The following BTBD1 variants were observed in gnomAD, a reference collection of about 807,000 sequenced individuals.
BTBD1 encodes BTB domain containing 1, also known as BTB/POZ domain-containing protein 1.
In BTBD1, 34 loss-of-function variants were observed where a neutral mutation model predicts 48.0. The observed-to-expected ratio is 0.71, with a 90% CI of 0.54 to 0.94. BTBD1 has a LOEUF of 0.94. Among genes scored for constraint, BTBD1 ranks in the 40% least tolerant of loss-of-function variants. The pLI, the probability that BTBD1 is intolerant of heterozygous loss-of-function variation, is 0.00. For synonymous variants in BTBD1, 261 were observed against 242.1 expected (o/e 1.08, Z -0.72); for missense variants, 543 against 625.6 (o/e 0.87, Z 1.41).
At chr15:83,045,814 C>A (rs1231515872) in intron 3 of BTBD1, among the ~76,000 whole-genome samples, 1 of 152,034 alleles carries the variant, frequency 6.6e-6, no homozygotes, top group Non-Finnish European at 1.5e-5. Context: ...AGACTTTGAA[C>A]CTACATGTCT....
intron 3 of BTBD1, among the ~76,000 whole-genome samples, chr15:83,043,618 G>T (rs778138007): frequency 2.2e-4 from 33 of 152,252 alleles, no homozygotes; most frequent in Admixed American, 5.9e-4. Flanking sequence ...GGTGAAAATT[G>T]ATCATATTTG....
At chr15:83,049,351 G>A (rs952405376) in intron 3 of BTBD1, among the ~76,000 whole-genome samples, 1 of 152,154 alleles carries the variant, frequency 6.6e-6, no homozygotes, top group Non-Finnish European at 1.5e-5. Context: ...CCTACAGATC[G>A]TGGCCCCCGC....
intron 4 of BTBD1, among the ~76,000 whole-genome samples, chr15:83,041,056 G>A (rs1218417363): frequency 2.0e-5 from 3 of 151,642 alleles, no homozygotes; most frequent in African/African-American, 7.3e-5. Flanking sequence ...GGAGGCTGAG[G>A]TGGGAGGATT....
At chr15:83,053,307 A>G (rs17507300) in intron 2 of BTBD1, among the ~76,000 whole-genome samples, 30,054 of 152,132 alleles carry the variant, frequency 0.2, 3,184 homozygotes, top group Middle Eastern at 0.33. Context: ...AGCAGGAACA[A>G]GAAGTTTCAC....
chr15:83,018,868 A>G lies in BTBD1; in HGVS notation c.1144-15T>C. On this transcript the variant is annotated splice_polypyrimidine_tract_variant and intron_variant, in intron 6 of 7. Transcript: ENST00000261721. ...TATTCAATGATCTGTAATTTTTAAG[A>G]GACAAGTTACATTTAAGTTAAACCA... is the stretch of plus-strand genomic sequence containing the variant. 1 of 1,606,846 alleles carries G rather than the reference A, an allele frequency of 6.2e-7. No individual in the cohort carries two copies. The highest frequency in any genetic ancestry group is 2.2e-5 in the East Asian group (1 of 44,838).
In BTBD1 at chr15:83,035,087, A is replaced by G. The variant is rs181337803; in HGVS notation, c.863-4759T>C. Among the ~76,000 whole-genome samples the G allele has an allele frequency of 9.2e-4, 140 of 152,266 alleles. 1 individual carries two copies. Among genetic ancestry groups the G allele is most frequent in the African/African-American group, 3.3e-3 (137 of 41,556 alleles). On this transcript the variant is annotated intron_variant, in intron 4 of 7. Transcript: ENST00000261721. ...GATGGGTGGATCACCTGAGGTCAGGAGTTTGAGACCAGTCTGGCCAACATG... is the reference window on the plus strand; with the variant it reads ...GATGGGTGGATCACCTGAGGTCAGGGGTTTGAGACCAGTCTGGCCAACATG...
chr15:83,048,619 A>C (rs2032923641), intron 3 of BTBD1, among the ~76,000 whole-genome samples: 1 of 151,236 alleles, frequency 6.6e-6, no homozygotes, highest in African/African-American at 2.5e-5. Flanking sequence ...CCTCTCCACT[A>C]TCCAAACACA....
intron 1 of BTBD1, among the ~76,000 whole-genome samples, chr15:83,063,381 C>T (rs1039527185): frequency 6.6e-6 from 1 of 152,172 alleles, no homozygotes; most frequent in African/African-American, 2.4e-5. Flanking sequence ...TATGACACTA[C>T]TTGGATGTCT....
intron 3 of BTBD1, chr15:83,044,616 A>G: frequency 6.3e-7 from 1 of 1,580,510 alleles, no homozygotes; most frequent in Non-Finnish European, 8.7e-7. Flanking sequence ...AAAAACTCAG[A>G]CTGTGTGCAG....
At chr15:83,029,949 C>T in intron 5 of BTBD1, 187 bp downstream of exon 5, 1 of 644,206 alleles carries the variant, frequency 1.6e-6, no homozygotes. Context: ...GTCACCCTCA[C>T]TCATAAATCA....
chr15:83,037,394 G>A (rs2032651636), intron 4 of BTBD1, among the ~76,000 whole-genome samples: 1 of 152,072 alleles, frequency 6.6e-6, no homozygotes, highest in South Asian at 2.1e-4. Flanking sequence ...AAAATAAAAA[G>A]TAATACAATT....
At chr15:83,035,706 A>T (rs765315858) in intron 4 of BTBD1, among the ~76,000 whole-genome samples, 1 of 152,086 alleles carries the variant, frequency 6.6e-6, no homozygotes, top group Non-Finnish European at 1.5e-5. Context: ...CAAAGAAAGG[A>T]AAGAAAGTAA....
chr15:83,040,654 C>T (rs8038246), intron 4 of BTBD1, among the ~76,000 whole-genome samples: 4 of 146,510 alleles, frequency 2.7e-5, no homozygotes, highest in Admixed American at 1.4e-4. Flanking sequence ...GAGCTGAGAT[C>T]GCACGACCGC....
chr15:83,017,943 G>T lies in BTBD1; in HGVS notation c.*124C>A, dbSNP rs571280050. On this transcript the variant is annotated 3_prime_UTR_variant, in exon 8 of 8. Transcript: ENST00000261721. ...ATAAGCATTTTTCTATCTGCTCTAA[G>T]AAACTGTTTCTTATCTTACAATTTT... is the stretch of plus-strand genomic sequence containing the variant. 2.5e-5 allele frequency: 14 copies of T among 566,580 alleles called. No homozygotes were observed. The Admixed American group carries it at 5.3e-4, about 22-fold the overall frequency. The allele number at this position is 566,580 out of a possible 1,614,324, so 35.1% of individuals were successfully genotyped here.
intron 5 of BTBD1, among the ~76,000 whole-genome samples, chr15:83,029,221 C>A (rs756262534): frequency 2.0e-5 from 3 of 152,106 alleles, no homozygotes; most frequent in Admixed American, 6.6e-5. Flanking sequence ...TTTTAACAAA[C>A]TTGTTAATTT....
chr15:83,043,604 A>C (rs2032811223), intron 3 of BTBD1, among the ~76,000 whole-genome samples: 1 of 152,152 alleles, frequency 6.6e-6, no homozygotes, highest in Non-Finnish European at 1.5e-5. Context: ...GTAGCAGTGG[A>C]AGTGGTGAAA....
rs1278088330 is a variant in BTBD1 at position 83,018,181 on chromosome 15, C to A, written c.1335G>T (p.Val445=). 1 of 1,610,354 alleles carries A rather than the reference C, an allele frequency of 6.2e-7. No individual in the cohort carries two copies. The highest frequency in any genetic ancestry group is 1.3e-5 in the African/African-American group (1 of 74,832). The part of the protein sequence containing the change: ...HYGTKGLKKV[V]HETPAASKTV... Reference sequence around the variant, plus strand: ...TCTTGCTTGCAGCAGGTGTCTCATGCACTACTTTCTTCAATCCTTTTGTGC... The same window carrying A: ...TCTTGCTTGCAGCAGGTGTCTCATGAACTACTTTCTTCAATCCTTTTGTGC... Residue 445 remains valine (V), a synonymous_variant, in exon 8 of 8, where the codon GTG becomes GTT. Transcript: ENST00000261721.
Position 83,044,445 on chromosome 15 carries a change from G to A in BTBD1, c.665-2520C>T, listed in dbSNP as rs889628551. ...GCTTTGATGAATACATGAAGGAGGA[G>A]GAGTGGGAACTGCTTTGCGAAAAAT... On this transcript the variant is annotated intron_variant, in intron 3 of 7. Transcript: ENST00000261721. The A allele has an allele frequency of 3.6e-5, 57 of 1,575,700 alleles. 1 individual carries two copies. The South Asian group carries it at 6.1e-4, about 17-fold the overall frequency.
In BTBD1 at chr15:83,020,725, C is replaced by T; in HGVS notation, c.1093G>A (p.Gly365Ser). The change falls in exon 6 of 8, where the codon GGC becomes AGC. Residue 365 changes from glycine to serine, a missense_variant. This residue lies in a region of BTBD1 where 300 missense variants were observed against 350.0 expected (regional missense o/e 0.86). Coordinates refer to ENST00000261721, the MANE Select transcript of BTBD1 (RefSeq NM_025238.4). ...GGGCCATGAATAGATCCATACAAGC[C>T]AAATCCAACTATAGAGATCCTTCTA... ...VNRRISIVGF[G>S]LYGSIHGPTD... 3.1e-6 allele frequency: 5 copies of T among 1,608,552 alleles called. No individual in the cohort carries two copies. Among genetic ancestry groups the T allele is most frequent in the Non-Finnish European group, 4.3e-6 (5 of 1,175,506 alleles).
Sources: gnomAD v4.1 joint callset for allele counts (sites outside exome capture counted in the v4.1 genomes callset) on GRCh38, gnomAD v4.1.1 for gene constraint, gnomAD v4.1.1 regional missense constraint, MANE v1.5 for transcripts, NCBI Gene and HGNC (gene_info 2026-07-23, HGNC 2026-07-21) for gene names.